GRIK2: variants seen among roughly 807,000 people sequenced by gnomAD.
GRIK2 encodes the protein glutamate ionotropic receptor kainate type subunit 2, also known as glutamate receptor ionotropic, kainate 2.
In GRIK2, 32 loss-of-function variants were observed where a neutral mutation model predicts 100.3. The ratio of observed to expected loss-of-function variants is 0.32; its 90% CI spans 0.24 to 0.43. GRIK2 has a LOEUF of 0.43. Among genes scored for constraint, GRIK2 ranks in the 20% least tolerant of loss-of-function variants. The probability of loss-of-function intolerance (pLI) is 1.00; values close to 1 mark genes in which losing one functional copy is unlikely to be tolerated. For missense variants in GRIK2, 843 were observed against 1,114.9 expected (o/e 0.76, Z 3.47); for synonymous variants, 417 against 389.4 (o/e 1.07, Z -0.83).
chr6:101,761,318 GTC>G (rs1777648835), intron 7 of GRIK2, among the ~76,000 whole-genome samples: 1 of 152,096 alleles, frequency 6.6e-6, no homozygotes, highest in South Asian at 2.1e-4. Flanking sequence ...GAACACTTAA[GTC>G]TGTGTGACTC....
At chr6:102,006,688 A>AT (rs1795258924) in intron 14 of GRIK2, among the ~76,000 whole-genome samples, 2 of 151,782 alleles carry the variant, frequency 1.3e-5, no homozygotes, top group Non-Finnish European at 2.9e-5. Flanking sequence ...TCATACTGAG[A>AT]TAATGATCCT....
intron 7 of GRIK2, among the ~76,000 whole-genome samples, chr6:101,751,500 T>C (rs1776782877): frequency 6.6e-6 from 1 of 152,166 alleles, no homozygotes; most frequent in Non-Finnish European, 1.5e-5. Flanking sequence ...TTAAAAACCA[T>C]ATATAACCAA....
chr6:101,541,803 G>A (rs2128288936), intron 2 of GRIK2, among the ~76,000 whole-genome samples: 1 of 152,060 alleles, frequency 6.6e-6, no homozygotes, highest in South Asian at 2.1e-4. Context: ...GGATAGTGAT[G>A]GAGATGCAAA....
At chr6:102,037,718 C>G (rs1453233652) in intron 15 of GRIK2, among the ~76,000 whole-genome samples, 2 of 151,006 alleles carry the variant, frequency 1.3e-5, no homozygotes, top group African/African-American at 4.9e-5. Context: ...TAAATTATAC[C>G]TTTATCGCCA....
At chr6:101,774,340 A>G (rs1778602918) in intron 7 of GRIK2, among the ~76,000 whole-genome samples, 1 of 152,190 alleles carries the variant, frequency 6.6e-6, no homozygotes, top group Non-Finnish European at 1.5e-5. Flanking sequence ...GCAAATATCA[A>G]GATAATTGGA....
At chr6:101,890,746 C>G (rs1449536003) in intron 12 of GRIK2, among the ~76,000 whole-genome samples, 2 of 151,772 alleles carry the variant, frequency 1.3e-5, no homozygotes, top group Non-Finnish European at 2.9e-5. Flanking sequence ...ATCAAACTTT[C>G]AACTGATAGA....
chr6:101,944,820 A>G (rs1239386110), intron 14 of GRIK2, among the ~76,000 whole-genome samples: 1 of 152,090 alleles, frequency 6.6e-6, no homozygotes, highest in Non-Finnish European at 1.5e-5. Flanking sequence ...TGTCAGCAGT[A>G]TTATAGCAAA....
At chr6:101,592,528 A>C (rs1200660017) in intron 2 of GRIK2, among the ~76,000 whole-genome samples, 2 of 147,200 alleles carry the variant, frequency 1.4e-5, no homozygotes, top group Non-Finnish European at 3.0e-5. Context: ...CAGCTGAAGG[A>C]ATGTATCCTT....
At chr6:101,980,160 CCT>C (rs1411179434) in intron 14 of GRIK2, among the ~76,000 whole-genome samples, 1 of 151,922 alleles carries the variant, frequency 6.6e-6, no homozygotes, top group Non-Finnish European at 1.5e-5. Context: ...TCTTCCACTC[CCT>C]GTTATATCCC....
At chr6:101,990,117 G>A (rs890532239) in intron 14 of GRIK2, among the ~76,000 whole-genome samples, 1 of 151,566 alleles carries the variant, frequency 6.6e-6, no homozygotes, top group African/African-American at 2.4e-5. Context: ...CCTAACATTT[G>A]CATTCCCTCT....
At chr6:101,408,375 TGAGAGA>T (rs3058218) in intron 2 of GRIK2, among the ~76,000 whole-genome samples, 9 of 148,106 alleles carry the variant, frequency 6.1e-5, no homozygotes, top group African/African-American at 1.2e-4. Flanking sequence ...AGGGAGGAAG[TGAGAGA>T]GAGAGAGAGA....
At chr6:101,698,818 A>T (rs1772678055) in intron 7 of GRIK2, among the ~76,000 whole-genome samples, 1 of 152,176 alleles carries the variant, frequency 6.6e-6, no homozygotes, top group Non-Finnish European at 1.5e-5. Context: ...GCAGTGAGAA[A>T]TGTATATAGA....
chr6:101,716,634 T>A (rs373890031), intron 7 of GRIK2, among the ~76,000 whole-genome samples: 3 of 148,170 alleles, frequency 2.0e-5, no homozygotes, highest in Non-Finnish European at 4.5e-5. Flanking sequence ...TAGCATTAGG[T>A]GAAATACCTA....
chr6:101,468,177 G>C (rs1335083377), intron 2 of GRIK2, among the ~76,000 whole-genome samples: 1 of 152,164 alleles, frequency 6.6e-6, no homozygotes, highest in Non-Finnish European at 1.5e-5. Context: ...TTAGGAACTT[G>C]CATGTGTCCC....
chr6:101,986,055 A>G (rs1793998485), intron 14 of GRIK2, among the ~76,000 whole-genome samples: 1 of 151,848 alleles, frequency 6.6e-6, no homozygotes, highest in Admixed American at 6.6e-5. Flanking sequence ...GCATTTGAAT[A>G]TAAATTTATG....
At chr6:101,434,170 G>T (rs1769584544) in intron 2 of GRIK2, among the ~76,000 whole-genome samples, 1 of 152,178 alleles carries the variant, frequency 6.6e-6, no homozygotes, top group Admixed American at 6.5e-5. Context: ...TGTGTGAGTT[G>T]GGACTAACAG....
intron 10 of GRIK2, among the ~76,000 whole-genome samples, chr6:101,841,610 T>G (rs538937027): frequency 6.6e-6 from 1 of 152,192 alleles, no homozygotes; most frequent in Non-Finnish European, 1.5e-5. Flanking sequence ...GTGATCCACC[T>G]GCCTGAGCCT....
At chr6:101,439,144 C>T (rs1341001418) in intron 2 of GRIK2, among the ~76,000 whole-genome samples, 4 of 152,048 alleles carry the variant, frequency 2.6e-5, no homozygotes, top group African/African-American at 9.7e-5. Context: ...TATTCTAAAT[C>T]CTAAAAGTGT....
intron 15 of GRIK2, among the ~76,000 whole-genome samples, chr6:102,053,470 T>G (rs1771308009): frequency 6.6e-6 from 1 of 152,130 alleles, no homozygotes; most frequent in South Asian, 2.1e-4. Context: ...TTAAAATGCT[T>G]TTAGTCAGTT....
Sources: gnomAD v4.1 joint callset for allele counts (sites outside exome capture counted in the v4.1 genomes callset) on GRCh38, gnomAD v4.1.1 for gene constraint, MANE v1.5 for transcripts, NCBI Gene and HGNC (gene_info 2026-07-23, HGNC 2026-07-21) for gene names.